PCDHA13: variants seen among roughly 807,000 people sequenced by gnomAD.
PCDHA13 encodes the protein protocadherin alpha 13, also known as protocadherin alpha-13.
PCDHA13 carries 54 observed loss-of-function variants against 64.8 expected under a neutral mutation model. The ratio of observed to expected loss-of-function variants is 0.83; its 90% CI spans 0.67 to 1.04. PCDHA13 has a LOEUF of 1.04. Ranked by LOEUF, PCDHA13 falls within the 50% of genes least tolerant of loss-of-function variation. PCDHA13 has a pLI of 0.00. For missense variants in PCDHA13, 1,248 were observed against 1,254.3 expected (o/e 0.99, Z 0.08); for synonymous variants, 587 against 564.4 (o/e 1.04, Z -0.57).
chr5:140,966,188 T>G (rs1454663585), intron 1 of PCDHA13: 7 of 200,348 alleles, frequency 3.5e-5, no homozygotes, highest in Non-Finnish European at 6.9e-5. Context: ...ATAGCCAGAC[T>G]TCTAGGGGCT....
At chr5:140,985,151 A>G (rs1335001570) in intron 3 of PCDHA13, among the ~76,000 whole-genome samples, 3 of 152,092 alleles carry the variant, frequency 2.0e-5, no homozygotes, top group Admixed American at 2.0e-4. Flanking sequence ...GTTAGCCAGG[A>G]TTGTCTCAAT....
intron 3 of PCDHA13, among the ~76,000 whole-genome samples, chr5:141,000,228 G>C (rs994042672): frequency 3.3e-5 from 5 of 151,306 alleles, no homozygotes; most frequent in Non-Finnish European, 2.9e-5. Context: ...CCTGTGTGGA[G>C]CTGAATGTGG....
At chr5:140,993,364 T>G (rs1285844193) in intron 3 of PCDHA13, among the ~76,000 whole-genome samples, 1 of 151,930 alleles carries the variant, frequency 6.6e-6, no homozygotes, top group Non-Finnish European at 1.5e-5. Flanking sequence ...TCACAAAAAC[T>G]ACCTCCCAGC....
At chr5:140,962,759 G>A (rs1554226222) in intron 1 of PCDHA13, among the ~76,000 whole-genome samples, 1 of 152,114 alleles carries the variant, frequency 6.6e-6, no homozygotes, top group Admixed American at 6.5e-5. Flanking sequence ...AATCCTATTC[G>A]TTTTTAACAA....
chr5:140,980,015 G>A (rs1164072132), intron 2 of PCDHA13, among the ~76,000 whole-genome samples: 2 of 152,192 alleles, frequency 1.3e-5, no homozygotes, highest in East Asian at 3.9e-4. Flanking sequence ...CATTACAAAT[G>A]AGCAGAAATC....
chr5:141,000,393 C>A (rs60881126), intron 3 of PCDHA13, among the ~76,000 whole-genome samples: 1,562 of 52,558 alleles, frequency 0.03, 14 homozygotes, highest in East Asian at 0.037. Context: ...CTCTCTCTCT[C>A]TCTATATATA....
At chr5:140,945,768 T>C (rs1212479192) in intron 1 of PCDHA13, among the ~76,000 whole-genome samples, 3 of 152,062 alleles carry the variant, frequency 2.0e-5, no homozygotes, top group African/African-American at 7.2e-5. Flanking sequence ...GTGGGACAAT[T>C]TGATATCCAG....
intron 3 of PCDHA13, among the ~76,000 whole-genome samples, chr5:141,000,999 A>G (rs1315543518): frequency 6.6e-6 from 1 of 152,234 alleles, no homozygotes; most frequent in Non-Finnish European, 1.5e-5. Context: ...TATGCTTTAA[A>G]TATGTATTTA....
At chr5:140,967,624 G>C (rs950749188) in intron 1 of PCDHA13, 1 of 1,614,158 alleles carries the variant, frequency 6.2e-7, no homozygotes, top group Non-Finnish European at 8.5e-7. Flanking sequence ...ACCCGGATGA[G>C]GGCTCCAATG....
intron 1 of PCDHA13, among the ~76,000 whole-genome samples, chr5:140,903,237 T>G (rs1191816509): frequency 1.3e-5 from 2 of 152,194 alleles, no homozygotes; most frequent in Non-Finnish European, 2.9e-5. Flanking sequence ...ACTTTTTGAT[T>G]TTTAAATTAT....
chr5:140,999,877 G>A (rs1194481133), intron 3 of PCDHA13, among the ~76,000 whole-genome samples: 1 of 152,152 alleles, frequency 6.6e-6, no homozygotes, highest in Admixed American at 6.5e-5. Flanking sequence ...CTGAAAATTA[G>A]CCCAGCTGTA....
intron 1 of PCDHA13, among the ~76,000 whole-genome samples, chr5:140,885,309 T>C (rs1456816250): frequency 6.6e-6 from 1 of 152,194 alleles, no homozygotes; most frequent in Non-Finnish European, 1.5e-5. Context: ...GTAGGCTTTT[T>C]GTTATTATTT....
At chr5:140,989,533 T>C (rs114286041) in intron 3 of PCDHA13, among the ~76,000 whole-genome samples, 1,576 of 152,276 alleles carry the variant, frequency 0.01, 12 homozygotes, top group Middle Eastern at 0.058. Flanking sequence ...AGGAGGAAGA[T>C]AGTTTGTAAT....
Position 140,882,403 on chromosome 5 carries a change from G to A in PCDHA13, c.135G>A (p.Val45=), listed in dbSNP as rs536389638. ...AGGAAGCAAAACACGGCACCTTCGTGGGCCGCATCGCTCAGGACCTGGGGC... is the reference window on the plus strand; with the variant it reads ...AGGAAGCAAAACACGGCACCTTCGTAGGCCGCATCGCTCAGGACCTGGGGC... ...VPEEAKHGTF[V]GRIAQDLGLE... Residue 45 remains valine (V), a synonymous_variant, in exon 1 of 4, where the codon GTG becomes GTA. Transcript: ENST00000289272. 1.9e-5 allele frequency: 31 copies of A among 1,614,168 alleles called. No homozygotes were observed. In the South Asian group the frequency reaches 3.3e-4, roughly 17 times the overall value.
chr5:140,965,954 C>A lies in PCDHA13; in HGVS notation c.2395-12995C>A, dbSNP rs567785452. Among the ~76,000 whole-genome samples the A allele has an allele frequency of 9.8e-4, 149 of 152,300 alleles. 1 individual carries two copies. The highest frequency in any genetic ancestry group is 1.7e-3 in the Non-Finnish European group (115 of 68,034). The stretch of plus-strand genomic sequence containing the variant: ...GGAAAGAGGGCAGCATTTGCCATCC[C>A]CCTCCTTTTGCCCTAGGAGTTGAGC... On this transcript the variant is annotated intron_variant, in intron 1 of 3. Coordinates refer to ENST00000289272, the MANE Select transcript of PCDHA13 (RefSeq NM_018904.3).
At chr5:140,913,997 A>G (rs2076553878) in intron 1 of PCDHA13, among the ~76,000 whole-genome samples, 1 of 152,170 alleles carries the variant, frequency 6.6e-6, no homozygotes, top group Admixed American at 6.5e-5. Flanking sequence ...TGACTAGCAT[A>G]TGGTCTATCT....
rs997332881 is a variant in PCDHA13 at position 140,887,348 on chromosome 5, G to A, written c.2394+2686G>A. On this transcript the variant is annotated intron_variant, in intron 1 of 3. Transcript: ENST00000289272. ...CCTGACCTCGTGATCCACCTGGCTCGGCCTCCCAAAGTGCTGGGATTACAG... is the reference window on the plus strand; with the variant it reads ...CCTGACCTCGTGATCCACCTGGCTCAGCCTCCCAAAGTGCTGGGATTACAG... Among the ~76,000 whole-genome samples, 8 of 151,974 alleles carry A rather than the reference G, an allele frequency of 5.3e-5. 1 individual carries two copies. The highest frequency in any genetic ancestry group is 8.8e-5 in the Non-Finnish European group (6 of 67,980).
At chr5:140,927,481 G>A in intron 1 of PCDHA13, 1 of 1,614,072 alleles carries the variant, frequency 6.2e-7, no homozygotes, top group Non-Finnish European at 8.5e-7. Flanking sequence ...CGAACAGCGC[G>A]CCACCCACCT....
chr5:140,973,167 C>A (rs554202231), intron 1 of PCDHA13, among the ~76,000 whole-genome samples: 44 of 152,284 alleles, frequency 2.9e-4, no homozygotes, highest in Admixed American at 2.4e-3. Context: ...TTTGTAGTCA[C>A]CAAACCTTCA....
Sources: gnomAD v4.1 joint callset for allele counts (sites outside exome capture counted in the v4.1 genomes callset) on GRCh38, gnomAD v4.1.1 for gene constraint, MANE v1.5 for transcripts, NCBI Gene and HGNC (gene_info 2026-07-23, HGNC 2026-07-21) for gene names.